OSBP2: variants seen among roughly 807,000 people sequenced by gnomAD.
The protein encoded by OSBP2 is oxysterol binding protein 2, also known as oxysterol-binding protein 2.
OSBP2 carries 66 observed loss-of-function variants against 96.0 expected under a neutral mutation model. The observed-to-expected ratio is 0.69, with a 90% confidence interval of 0.56 to 0.84. The LOEUF (loss-of-function observed/expected upper bound fraction) is 0.84. Among genes scored for constraint, OSBP2 ranks in the 40% least tolerant of loss-of-function variants. OSBP2 has a pLI of 0.00. For synonymous variants in OSBP2, 525 were observed against 520.9 expected, an observed-to-expected ratio of 1.01 and a Z score of -0.11; for missense variants, 1,038 against 1,222.7, an observed-to-expected ratio of 0.85 and a Z score of 2.25.
chr22:30,893,941 A>C lies in OSBP2; in HGVS notation c.2315A>C (p.Lys772Thr). The C allele has an allele frequency of 6.3e-7, 1 of 1,599,270 alleles. No individual in the cohort carries two copies. Among genetic ancestry groups the C allele is most frequent in the Non-Finnish European group, 8.5e-7 (1 of 1,173,344 alleles). Residue 772 changes from lysine (K) to threonine (T), a missense_variant, in exon 12 of 14, where the codon AAG becomes ACG. This residue lies in a region of OSBP2 where 737 missense variants were observed against 913.3 expected (regional missense o/e 0.81). Coordinates refer to ENST00000332585, the MANE Select transcript of OSBP2 (RefSeq NM_030758.4). ...SSPSSPSSDG[K>T]QKTVYQTLSA... The stretch of plus-strand genomic sequence containing the variant: ...CCCAGCAGCCCCAGCTCTGACGGGA[A>C]GCAGAAGACAGTGTACCAGACCCTG...
At chr22:30,772,174 A>G (rs2090355221) in intron 2 of OSBP2, among the ~76,000 whole-genome samples, 1 of 152,150 alleles carries the variant, frequency 6.6e-6, no homozygotes, top group Admixed American at 6.6e-5. Context: ...GAGAGCCTGG[A>G]TGGATCCTGC....
At chr22:30,731,192 A>T (rs2089773138) in intron 1 of OSBP2, among the ~76,000 whole-genome samples, 1 of 151,988 alleles carries the variant, frequency 6.6e-6, no homozygotes, top group African/African-American at 2.4e-5. Flanking sequence ...AAATAAATAA[A>T]TGAAAAATAA....
chr22:30,850,620 C>T (rs989924025), intron 2 of OSBP2, among the ~76,000 whole-genome samples: 1 of 152,098 alleles, frequency 6.6e-6, no homozygotes, highest in African/African-American at 2.4e-5. Flanking sequence ...CTGCCTTAGC[C>T]TCCCAAGTAA....
rs766819647 is a variant in OSBP2, at chr22:30,887,581, T to TGGCC, written c.1272_1275dup (p.Asn426GlyfsTer9). ...TCGAGCGGGCCTTCCACAGTGCCCCTGGCCGGCCGGCCAACCCCTCCAAGA... is the reference window on the plus strand; with the variant it reads ...TCGAGCGGGCCTTCCACAGTGCCCCTGGCCGGCCGGCCGGCCAACCCCTCCAAGA... On this transcript the variant is annotated frameshift_variant, in exon 4 of 14. Coordinates refer to ENST00000332585, the MANE Select transcript of OSBP2 (RefSeq NM_030758.4). LOFTEE classifies it high-confidence loss of function. The TGGCC allele has an allele frequency of 4.3e-6, 7 of 1,610,870 alleles. No homozygotes were observed. Among genetic ancestry groups the TGGCC allele is most frequent in the South Asian group, 3.3e-5 (3 of 90,806 alleles).
chr22:30,733,512 C>T (rs966829348), intron 1 of OSBP2, among the ~76,000 whole-genome samples: 16 of 152,126 alleles, frequency 1.1e-4, no homozygotes, highest in Non-Finnish European at 1.6e-4. Flanking sequence ...TGCAAAAATC[C>T]AGCTTGTCGG....
At chr22:30,861,856 A>G (rs913212604) in intron 2 of OSBP2, among the ~76,000 whole-genome samples, 2 of 152,080 alleles carry the variant, frequency 1.3e-5, no homozygotes, top group African/African-American at 4.8e-5. Flanking sequence ...TTGCAGCTTC[A>G]GGGGGGCTCA....
At chr22:30,809,805 G>T (rs76779461) in intron 2 of OSBP2, among the ~76,000 whole-genome samples, 2,059 of 152,290 alleles carry the variant, frequency 0.014, 26 homozygotes, top group Middle Eastern at 0.044. Context: ...GGTGTGGCTG[G>T]TCGAGGTGGA....
At chr22:30,847,694 TTA>T in intron 2 of OSBP2, among the ~76,000 whole-genome samples, 1 of 152,304 alleles carries the variant, frequency 6.6e-6, no homozygotes, top group African/African-American at 2.4e-5. Flanking sequence ...CAGGTTTTTT[TTA>T]TGAGTGAGTT....
intron 2 of OSBP2, among the ~76,000 whole-genome samples, chr22:30,830,557 G>A (rs907294913): frequency 6.6e-6 from 1 of 152,222 alleles, no homozygotes; most frequent in Non-Finnish European, 1.5e-5. Context: ...ACGGGACAGG[G>A]CCCCTGGAAT....
chr22:30,869,865 G>A (rs555609034), intron 2 of OSBP2, among the ~76,000 whole-genome samples: 3 of 152,306 alleles, frequency 2.0e-5, no homozygotes, highest in East Asian at 3.9e-4. Context: ...GGGACATGGC[G>A]GGAAAGGCCC....
intron 1 of OSBP2, among the ~76,000 whole-genome samples, chr22:30,729,088 A>G (rs2089702418): frequency 6.6e-6 from 1 of 152,146 alleles, no homozygotes; most frequent in Non-Finnish European, 1.5e-5. Context: ...GCTTTTTCAT[A>G]TGTTTATCAG....
At chr22:30,829,917 C>T (rs991662366) in intron 2 of OSBP2, among the ~76,000 whole-genome samples, 7 of 152,136 alleles carry the variant, frequency 4.6e-5, no homozygotes, top group African/African-American at 1.7e-4. Context: ...ACAGGTGACC[C>T]GACGGGGGCC....
chr22:30,801,174 C>A (rs928878753), intron 2 of OSBP2, among the ~76,000 whole-genome samples: 1 of 152,128 alleles, frequency 6.6e-6, no homozygotes, highest in Non-Finnish European at 1.5e-5. Flanking sequence ...ACATTTAATA[C>A]CTGCAACCAT....
intron 1 of OSBP2, among the ~76,000 whole-genome samples, chr22:30,718,076 A>T (rs766053560): frequency 2.0e-5 from 3 of 152,132 alleles, no homozygotes; most frequent in Non-Finnish European, 4.4e-5. Context: ...TCCTGTTGTG[A>T]TGGCAGAAGT....
chr22:30,695,693 C>A, intron 1 of OSBP2, 140 bp downstream of exon 1: 1 of 1,444,416 alleles, frequency 6.9e-7, no homozygotes, highest in Non-Finnish European at 9.2e-7. Flanking sequence ...GGCCAAGTCA[C>A]GCTTCTGGCC....
intron 12 of OSBP2, among the ~76,000 whole-genome samples, chr22:30,894,618 G>C (rs2040023559): frequency 6.6e-6 from 1 of 152,210 alleles, no homozygotes; most frequent in African/African-American, 2.4e-5. Context: ...TTGAGAGCAG[G>C]GTTTGGCATT....
rs2039699360 is a variant in OSBP2, at chr22:30,881,409, C to T, written c.1108-6017C>T. Reference sequence around the variant, plus strand: ...TACCACCTCCAGCTCCCACTAGGACCCCTCACTCTCTTCCCCTTAAACAAT... The same window carrying T: ...TACCACCTCCAGCTCCCACTAGGACTCCTCACTCTCTTCCCCTTAAACAAT... On this transcript the variant is annotated intron_variant, in intron 3 of 13. Coordinates refer to ENST00000332585, the MANE Select transcript of OSBP2 (RefSeq NM_030758.4). This position sits in a 1 kb window ranked among gnomAD's most constrained non-coding sequence, Gnocchi z 4.5. 6.6e-6 allele frequency among the ~76,000 whole-genome samples: 1 copy of T among 152,166 alleles called. No individual in the cohort carries two copies. The highest frequency in any genetic ancestry group is 2.4e-5 in the African/African-American group (1 of 41,422).
At chr22:30,706,923 C>T (rs948847107) in intron 1 of OSBP2, among the ~76,000 whole-genome samples, 3 of 152,110 alleles carry the variant, frequency 2.0e-5, no homozygotes, top group Non-Finnish European at 4.4e-5. Context: ...CTTCTGGATG[C>T]CTTTTTGTGT....
Position 30,720,969 on chromosome 22 carries a change from A to G in OSBP2, c.645-20192A>G, listed in dbSNP as rs138153739. On this transcript the variant is annotated intron_variant, in intron 1 of 13. Transcript: ENST00000332585. ...GCCTGGCACGGTGGCTCACGCCTGT[A>G]ATCCCAACACTGTGGGAGGCCGAGG... 2.7e-3 allele frequency among the ~76,000 whole-genome samples: 416 copies of G among 152,256 alleles called. 10 individuals are homozygous for G. In the East Asian group the frequency reaches 0.062, roughly 23 times the overall value.
Sources: allele counts gnomAD v4.1 joint callset (sites outside exome capture counted in the v4.1 genomes callset), GRCh38; gene constraint gnomAD v4.1.1; regional missense constraint gnomAD v4.1.1; non-coding constraint Gnocchi (gnomAD v3.1); transcripts MANE v1.5; gene names NCBI Gene and HGNC (gene_info 2026-07-23, HGNC 2026-07-21).